LINC00305: variants seen among roughly 807,000 people sequenced by gnomAD.
LINC00305 encodes the protein long intergenic non-protein coding RNA 305.
chr18:64,130,853 A>T (rs1370609023), intron 1 of LINC00305, among the ~76,000 whole-genome samples: 2 of 152,210 alleles, frequency 1.3e-5, no homozygotes, highest in Non-Finnish European at 2.9e-5. Flanking sequence ...TTCATGTTGC[A>T]TAGGAAGGAG....
At chr18:64,133,062 A>G (rs2051417120) in intron 1 of LINC00305, among the ~76,000 whole-genome samples, 1 of 152,138 alleles carries the variant, frequency 6.6e-6, no homozygotes, top group Admixed American at 6.5e-5. Context: ...TCCTGTTGTC[A>G]CTGTTGCCAA....
chr18:64,136,440 A>G (rs924370063), intron 1 of LINC00305, among the ~76,000 whole-genome samples: 2 of 152,186 alleles, frequency 1.3e-5, no homozygotes, highest in African/African-American at 4.8e-5. Context: ...GCGGCAGAAG[A>G]GAGAATGAGA....
intron 1 of LINC00305, among the ~76,000 whole-genome samples, chr18:64,130,766 A>T (rs2051406134): frequency 6.6e-6 from 1 of 152,180 alleles, no homozygotes; most frequent in Non-Finnish European, 1.5e-5. Flanking sequence ...TGGTAGACAG[A>T]AGTGGAAAGG....
intron 1 of LINC00305, among the ~76,000 whole-genome samples, chr18:64,099,278 G>A (rs1190529371): frequency 6.6e-6 from 1 of 152,082 alleles, no homozygotes; most frequent in Non-Finnish European, 1.5e-5. Flanking sequence ...CTCTAAATTT[G>A]TGATTTTAAA....
rs561134910 is a variant in LINC00305 at position 64,141,977 on chromosome 18, G to C, written n.314+6798C>G. ...ATTTCACAGTTTCTAAGCTAAAATG[G>C]GATGTACATTATTGAGCTATAAAGG... is the stretch of plus-strand genomic sequence containing the variant. On this transcript the variant is annotated intron_variant and non_coding_transcript_variant, in intron 1 of 3. Transcript: ENST00000666468. 2.0e-5 allele frequency among the ~76,000 whole-genome samples: 3 copies of C among 152,198 alleles called. No individual in the cohort carries two copies. In the South Asian group the frequency reaches 6.2e-4, roughly 32 times the overall value.
At chr18:64,091,478 C>A (rs947171899) in intron 3 of LINC00305, among the ~76,000 whole-genome samples, 1 of 152,194 alleles carries the variant, frequency 6.6e-6, no homozygotes, top group Non-Finnish European at 1.5e-5. Context: ...TACAGCAGAA[C>A]TTCAGATCAA....
intron 1 of LINC00305, among the ~76,000 whole-genome samples, chr18:64,142,598 C>T (rs2051469140): frequency 6.6e-6 from 1 of 152,162 alleles, no homozygotes; most frequent in Non-Finnish European, 1.5e-5. Context: ...GGTGGGAGCA[C>T]ATCTCAGAGC....
At chr18:64,143,715 AT>A in intron 1 of LINC00305, among the ~76,000 whole-genome samples, 1 of 150,864 alleles carries the variant, frequency 6.6e-6, no homozygotes, top group East Asian at 1.9e-4. Context: ...ATGTCCACAT[AT>A]TATGCGTACA....
intron 3 of LINC00305, among the ~76,000 whole-genome samples, chr18:64,080,604 G>C (rs2051180997): frequency 6.6e-6 from 1 of 152,208 alleles, no homozygotes; most frequent in South Asian, 2.1e-4. Context: ...CATAGAATTA[G>C]TCATAAAGCA....
intron 1 of LINC00305, among the ~76,000 whole-genome samples, chr18:64,106,112 G>A (rs2051289449): frequency 6.6e-6 from 1 of 152,184 alleles, no homozygotes. Flanking sequence ...AGCCCTGATT[G>A]GCACCTGAAC....
chr18:64,148,817 G>A (rs1016418166), exon 1 of LINC00305: 2 of 152,188 alleles, frequency 1.3e-5, no homozygotes, highest in Admixed American at 1.3e-4. Context: ...GTCAATCTTA[G>A]GCTTTCAGGA....
At chr18:64,116,197 A>G (rs1344326643) in intron 1 of LINC00305, among the ~76,000 whole-genome samples, 1 of 152,184 alleles carries the variant, frequency 6.6e-6, no homozygotes. Context: ...TTGCTTTTTG[A>G]TAAGAATTCA....
At chr18:64,138,813 G>A (rs1434890882) in intron 1 of LINC00305, among the ~76,000 whole-genome samples, 2 of 152,086 alleles carry the variant, frequency 1.3e-5, no homozygotes, top group Non-Finnish European at 2.9e-5. Flanking sequence ...TGTTTTCTTA[G>A]TATGTAAAAC....
Position 64,117,302 on chromosome 18 carries a change from G to C in LINC00305, n.315-18662C>G, listed in dbSNP as rs181676711. On this transcript the variant is annotated intron_variant and non_coding_transcript_variant, in intron 1 of 3. Transcript: ENST00000666468. ...GCAACTAAGTGACCCCACCATGATA[G>C]CTTCTTTGCATAATAATCTAATGCC... Among the ~76,000 whole-genome samples, 284 of 152,212 alleles carry C rather than the reference G, an allele frequency of 1.9e-3. 2 individuals carry two copies. The highest frequency in any genetic ancestry group is 6.7e-3 in the African/African-American group (279 of 41,532).
At chr18:64,118,271 C>G (rs763948717) in intron 1 of LINC00305, among the ~76,000 whole-genome samples, 5 of 152,088 alleles carry the variant, frequency 3.3e-5, no homozygotes, top group Non-Finnish European at 7.4e-5. Flanking sequence ...GGCTAAAAGT[C>G]TTTCTCAAAA....
intron 1 of LINC00305, among the ~76,000 whole-genome samples, chr18:64,123,964 C>T (rs888180182): frequency 1.3e-5 from 2 of 152,148 alleles, no homozygotes; most frequent in Non-Finnish European, 2.9e-5. Context: ...TTGGCACACA[C>T]TGGCTCCCTT....
At chr18:64,134,052 G>A (rs1217410935) in intron 1 of LINC00305, among the ~76,000 whole-genome samples, 2 of 152,148 alleles carry the variant, frequency 1.3e-5, no homozygotes, top group Non-Finnish European at 2.9e-5. Flanking sequence ...CATCGGAGGG[G>A]CTTCAGACAA....
At chr18:64,092,921 T>G (rs1439365260) in intron 3 of LINC00305, among the ~76,000 whole-genome samples, 1 of 152,230 alleles carries the variant, frequency 6.6e-6, no homozygotes, top group Non-Finnish European at 1.5e-5. Flanking sequence ...CCACTCCTTC[T>G]GAACAAAATC....
chr18:64,101,432 G>C (rs1192844801), intron 1 of LINC00305, among the ~76,000 whole-genome samples: 3 of 152,146 alleles, frequency 2.0e-5, no homozygotes, highest in African/African-American at 4.8e-5. Flanking sequence ...GCTTCTGGTG[G>C]TTGCTGGCAA....
Sources: allele counts gnomAD v4.1 joint callset (sites outside exome capture counted in the v4.1 genomes callset), GRCh38; gene constraint gnomAD v4.1.1; transcripts MANE v1.5; gene names NCBI Gene and HGNC (gene_info 2026-07-23, HGNC 2026-07-21).